The following SHISAL1 variants were observed in gnomAD, a reference collection of about 807,000 sequenced individuals.
SHISAL1 encodes the protein protein shisa-like-1.
In SHISAL1, 9 loss-of-function variants were observed where a neutral mutation model predicts 22.6. The ratio of observed to expected loss-of-function variants is 0.40; its 90% CI spans 0.24 to 0.70. SHISAL1 has a LOEUF of 0.70. Ranked by LOEUF, SHISAL1 falls within the 30% of genes least tolerant of loss-of-function variation. SHISAL1 has a pLI of 0.39. For synonymous variants in SHISAL1, 119 were observed against 115.4 expected (o/e 1.03, Z -0.20); for missense variants, 246 against 270.6 (o/e 0.91, Z 0.64).
intron 1 of SHISAL1, among the ~76,000 whole-genome samples, chr22:44,307,735 G>A (rs145878602): frequency 1.4e-4 from 21 of 152,280 alleles, no homozygotes; most frequent in East Asian, 9.7e-4. Flanking sequence ...TTTAAACACC[G>A]AACTTGGCGA....
At position 44,249,296 on chromosome 22, in the gene SHISAL1, CA is replaced by C. The variant is rs1316005400; in HGVS notation, c.*388del. On this transcript the variant is annotated 3_prime_UTR_variant, in exon 5 of 5. Coordinates refer to ENST00000381176, the MANE Select transcript of SHISAL1 (RefSeq NM_001099294.2). ...CCCAAGGGGCCACTACTGGAGGGAG[CA>C]GGGGCAAGGGAAGCTTCGGTTTTCA... 9.8e-6 allele frequency: 2 copies of C among 205,020 alleles called. No individual in the cohort carries two copies. The highest frequency in any genetic ancestry group is 2.0e-5 in the Non-Finnish European group (2 of 101,858). The allele number at this position is 205,020 out of a possible 1,614,324, so 12.7% of individuals were successfully genotyped here. A position where few individuals can be genotyped will look rare whatever the true frequency, so the allele number is the denominator to read the frequency against.
intron 3 of SHISAL1, among the ~76,000 whole-genome samples, chr22:44,292,283 A>T (rs2055358270): frequency 6.6e-6 from 1 of 152,160 alleles, no homozygotes; most frequent in South Asian, 2.1e-4. Flanking sequence ...TAGTCCATCT[A>T]GACGGGCTGC....
At chr22:44,261,891 T>C (rs1322480106) in intron 4 of SHISAL1, among the ~76,000 whole-genome samples, 2 of 152,218 alleles carry the variant, frequency 1.3e-5, no homozygotes, top group African/African-American at 4.8e-5. Context: ...GACCCCAGGC[T>C]CAGGCCCACC....
intron 4 of SHISAL1, among the ~76,000 whole-genome samples, chr22:44,264,602 C>T (rs904609246): frequency 7.2e-5 from 11 of 152,182 alleles, no homozygotes; most frequent in African/African-American, 2.7e-4. Flanking sequence ...GCACCTCGGG[C>T]ATGGCATGGG....
intron 4 of SHISAL1, among the ~76,000 whole-genome samples, chr22:44,260,311 G>A (rs1425071849): frequency 1.3e-5 from 2 of 152,226 alleles, no homozygotes; most frequent in Non-Finnish European, 2.9e-5. Context: ...GGCTGGACTT[G>A]TGTTCGGTTA....
chr22:44,286,522 G>C (rs1264227915), intron 3 of SHISAL1, among the ~76,000 whole-genome samples: 1 of 152,182 alleles, frequency 6.6e-6, no homozygotes, highest in Non-Finnish European at 1.5e-5. Flanking sequence ...CCCGGCCTTT[G>C]CACAGGCCGT....
the SHISAL1 span, among the ~76,000 whole-genome samples, chr22:44,330,619 A>C: frequency 1.3e-5 from 2 of 152,024 alleles, no homozygotes; most frequent in African/African-American, 4.8e-5. Flanking sequence ...CTTTCCAAAG[A>C]GGTAACAGTT....
At chr22:44,323,018 GCATC>G in the SHISAL1 span, among the ~76,000 whole-genome samples, 1 of 87,824 alleles carries the variant, frequency 1.1e-5, no homozygotes, top group African/African-American at 4.7e-5. Flanking sequence ...ATCCATCCAT[GCATC>G]CATCCACCAT....
In SHISAL1 at chr22:44,262,559, G is replaced by A. The variant is rs117376730; in HGVS notation, c.*-12874C>T. On this transcript the variant is annotated intron_variant, in intron 4 of 4. Coordinates refer to ENST00000381176, the MANE Select transcript of SHISAL1 (RefSeq NM_001099294.2). ...ACTAGTCCCTGCAACTTGCTGATGA[G>A]GAAAATGAGGCTCAGAGAGACAATG... Among the ~76,000 whole-genome samples, 221 of 152,354 alleles carry A rather than the reference G, an allele frequency of 1.5e-3. 12 individuals carry two copies. In the East Asian group the frequency reaches 0.033, roughly 23 times the overall value.
chr22:44,313,960 C>T (rs372008572), upstream of SHISAL1, among the ~76,000 whole-genome samples: 106 of 152,260 alleles, frequency 7.0e-4, no homozygotes, highest in African/African-American at 2.2e-3. Flanking sequence ...ATGGGTGCCA[C>T]GATGGGAAAC....
At chr22:44,251,245 G>T (rs1050176923) in intron 4 of SHISAL1, among the ~76,000 whole-genome samples, 4 of 152,148 alleles carry the variant, frequency 2.6e-5, no homozygotes, top group African/African-American at 9.7e-5. Context: ...TACTGTAGGG[G>T]CTTAATAAAT....
rs16991711 is a variant in SHISAL1 at position 44,247,449 on chromosome 22, G to A, written c.*2236C>T. The A allele has an allele frequency of 0.12, 17,630 of 152,352 alleles. 1,300 individuals are homozygous for A. Among genetic ancestry groups the A allele is most frequent in the African/African-American group, 0.21 (8,768 of 41,498 alleles). The allele number at this position is 152,352 out of a possible 1,614,324, so 9.4% of individuals were successfully genotyped here. On this transcript the variant is annotated 3_prime_UTR_variant, in exon 5 of 5. Transcript: ENST00000381176. ...ACCCCCTTACGGCAACATGGCCCTG[G>A]GACGGCTCACATCAGGGGAGAGGAA...
chr22:44,286,946 C>T (rs944455138), intron 3 of SHISAL1, among the ~76,000 whole-genome samples: 20 of 152,222 alleles, frequency 1.3e-4, no homozygotes, highest in Non-Finnish European at 2.4e-4. Flanking sequence ...GTCGAGGAGG[C>T]GTGAATGGAG....
chr22:44,253,498 A>G (rs138276735), intron 4 of SHISAL1, among the ~76,000 whole-genome samples: 12,874 of 146,214 alleles, frequency 0.088, 900 homozygotes, highest in Admixed American at 0.19. Flanking sequence ...GTATGATCTC[A>G]GCTCACTGCA....
At chr22:44,273,324 G>A (rs1211807866) in intron 4 of SHISAL1, among the ~76,000 whole-genome samples, 1 of 152,204 alleles carries the variant, frequency 6.6e-6, no homozygotes, top group Non-Finnish European at 1.5e-5. Context: ...CTGAATCAAA[G>A]ACAGGAAGAG....
In SHISAL1 at chr22:44,280,229, G is replaced by A. The variant is rs541551448; in HGVS notation, c.599+5199C>T. Among the ~76,000 whole-genome samples the A allele has an allele frequency of 1.9e-4, 29 of 152,324 alleles. No homozygotes were observed. In the South Asian group the frequency reaches 6.0e-3, roughly 32 times the overall value. On this transcript the variant is annotated intron_variant, in intron 4 of 4. Transcript: ENST00000381176. ...GCAAGGGATTTGAGGGGTCAAGGCT[G>A]GGTTGGAAGGCATGGGCAGTGAGGT...
At chr22:44,276,704 C>G (rs908895244) in intron 4 of SHISAL1, among the ~76,000 whole-genome samples, 9 of 152,154 alleles carry the variant, frequency 5.9e-5, no homozygotes, top group African/African-American at 2.2e-4. Context: ...ATGGGACATC[C>G]AAGAGCTGCC....
the SHISAL1 span, among the ~76,000 whole-genome samples, chr22:44,318,839 G>C: frequency 6.6e-6 from 1 of 152,246 alleles, no homozygotes; most frequent in Non-Finnish European, 1.5e-5. Flanking sequence ...CAGAGCCCCA[G>C]AGAGGCTGTC....
intron 4 of SHISAL1, among the ~76,000 whole-genome samples, chr22:44,269,949 T>C (rs926305137): frequency 9.2e-5 from 14 of 152,180 alleles, no homozygotes; most frequent in Non-Finnish European, 1.6e-4. Flanking sequence ...ACCTCTGAGT[T>C]GTCCTTGTCC....
Sources: allele counts gnomAD v4.1 joint callset (sites outside exome capture counted in the v4.1 genomes callset), GRCh38; gene constraint gnomAD v4.1.1; transcripts MANE v1.5; gene names NCBI Gene and HGNC (gene_info 2026-07-23, HGNC 2026-07-21).